Variants in RASA3 observed in about 807,000 individuals in gnomAD.
RASA3 encodes RAS p21 protein activator 3.
RASA3 carries 73 observed loss-of-function variants against 110.0 expected under a neutral mutation model. The observed-to-expected ratio is 0.66, with a 90% CI of 0.55 to 0.81. RASA3 has a LOEUF of 0.81. RASA3 is among the 30% of genes least tolerant of loss of function. The pLI, the probability that RASA3 is intolerant of heterozygous loss-of-function variation, is 0.00. For missense variants in RASA3, 976 were observed against 1,113.2 expected, an observed-to-expected ratio of 0.88 and a Z score of 1.75; for synonymous variants, 500 against 451.4, an observed-to-expected ratio of 1.11 and a Z score of -1.37.
At chr13:114,043,837 G>GCCCCCCCCCCCCCCCCCCCT (rs544129523) in intron 3 of RASA3, among the ~76,000 whole-genome samples, 1 of 22,822 alleles carries the variant, frequency 4.4e-5, no homozygotes, top group Non-Finnish European at 7.1e-5. Context: ...CACTCGCTGA[G>GCCCCCCCCCCCCCCCCCCCT]CCCCCCGCCC....
Position 114,102,231 on chromosome 13 carries a change from A to C in RASA3, c.56-28394T>G, listed in dbSNP as rs187715972. Among the ~76,000 whole-genome samples, 720 of 151,866 alleles carry C rather than the reference A, an allele frequency of 4.7e-3. 4 individuals are homozygous for C. The highest frequency in any genetic ancestry group is 0.017 in the African/African-American group (697 of 41,506). ...CACAGCGGGCGGGTGGTAGGCGGGCAGCAGGTGGGCGGTAGGCGGGCAGTG... is the reference window on the plus strand; with the variant it reads ...CACAGCGGGCGGGTGGTAGGCGGGCCGCAGGTGGGCGGTAGGCGGGCAGTG... On this transcript the variant is annotated intron_variant, in intron 1 of 23. Coordinates refer to ENST00000334062, the MANE Select transcript of RASA3 (RefSeq NM_007368.4).
At chr13:114,121,647 C>A (rs180824895) in intron 1 of RASA3, among the ~76,000 whole-genome samples, 31 of 152,362 alleles carry the variant, frequency 2.0e-4, no homozygotes, top group African/African-American at 7.0e-4. Context: ...CACAGCTCGA[C>A]CTTTGACCTT....
At position 114,118,876 on chromosome 13, in the gene RASA3, A is replaced by G. The variant is rs540098136; in HGVS notation, c.55+13559T>C. On this transcript the variant is annotated intron_variant, in intron 1 of 23. Transcript: ENST00000334062. ...GGTTCCAGTGCAGCTACCCAGAGGG[A>G]AGCCTTGGGTGTGGGCAGCGACAGG... Among the ~76,000 whole-genome samples, 5 of 152,370 alleles carry G rather than the reference A, an allele frequency of 3.3e-5. No individual in the cohort carries two copies. In the South Asian group the frequency reaches 1.0e-3, roughly 32 times the overall value.
intron 1 of RASA3, among the ~76,000 whole-genome samples, chr13:114,076,588 G>A (rs2079688419): frequency 1.3e-5 from 2 of 152,004 alleles, no homozygotes; most frequent in Non-Finnish European, 2.9e-5. Flanking sequence ...GCACACACAC[G>A]CGGCACACGC....
At chr13:114,069,846 CGGGGGCCGGG>C (rs1566548711) in intron 2 of RASA3, among the ~76,000 whole-genome samples, 30 of 492 alleles carry the variant, frequency 0.061, no homozygotes, top group Admixed American at 0.12. Flanking sequence ...CCAGGAGACT[CGGGGGCCGGG>C]AGACTTGGGG....
chr13:113,994,460 T>TTA (rs1408522792), intron 21 of RASA3, among the ~76,000 whole-genome samples: 1 of 152,066 alleles, frequency 6.6e-6, no homozygotes, highest in Non-Finnish European at 1.5e-5. Context: ...TGAAATGCAT[T>TTA]TATCATAAAA....
chr13:114,027,410 G>A lies in RASA3; in HGVS notation c.582C>T (p.Phe194=), dbSNP rs143090287. The change falls in exon 7 of 24, where the codon TTC becomes TTT. Residue 194 remains phenylalanine (F), a synonymous_variant. Transcript: ENST00000334062. The part of the protein sequence containing the change: ...KVKRKTNNPQ[F]DEVFYFEVTR... ...CAACCTCAAAATAAAACACTTCATCGAACTGGGGATTGTTGGTCTTCCTCT... is the reference window on the plus strand; with the variant it reads ...CAACCTCAAAATAAAACACTTCATCAAACTGGGGATTGTTGGTCTTCCTCT... 515 of 1,612,744 alleles carry A rather than the reference G, an allele frequency of 3.2e-4. 2 individuals are homozygous for A. Among genetic ancestry groups the A allele is most frequent in the Middle Eastern group, 1.5e-3 (9 of 6,054 alleles).
chr13:114,099,009 C>G (rs1278080358), intron 1 of RASA3, among the ~76,000 whole-genome samples: 44 of 84,352 alleles, frequency 5.2e-4, no homozygotes, highest in African/African-American at 1.9e-3. Flanking sequence ...CCGAGCCCCC[C>G]AGACCACAGC....
chr13:114,065,358 G>A lies in RASA3; in HGVS notation c.173+8362C>T, dbSNP rs987884860. 7.2e-5 allele frequency among the ~76,000 whole-genome samples: 11 copies of A among 152,180 alleles called. No homozygotes were observed. In the East Asian group the frequency reaches 1.7e-3, roughly 24 times the overall value. Reference sequence around the variant, plus strand: ...CATTTCCCAAACGCTGGGGGGAGCCGGGAGCTGCCAGGGCTGCCCCAGCCT... The same window carrying A: ...CATTTCCCAAACGCTGGGGGGAGCCAGGAGCTGCCAGGGCTGCCCCAGCCT... On this transcript the variant is annotated intron_variant, in intron 2 of 23. Transcript: ENST00000334062. The surrounding 1 kb of genome is among the most constrained non-coding windows in gnomAD (Gnocchi z 4.1).
At chr13:114,018,700 G>A (rs1432012400) in intron 10 of RASA3, 63 bp downstream of exon 10, 2 of 1,584,812 alleles carry the variant, frequency 1.3e-6, no homozygotes, top group African/African-American at 2.7e-5. Context: ...CCGGGTGTAG[G>A]GTGGGGCCCC....
At chr13:114,120,779 C>T (rs2080366129) in intron 1 of RASA3, among the ~76,000 whole-genome samples, 1 of 152,022 alleles carries the variant, frequency 6.6e-6, no homozygotes, top group Admixed American at 6.5e-5. Flanking sequence ...ACACTCTCTT[C>T]TCCTGACTTC....
intron 4 of RASA3, among the ~76,000 whole-genome samples, chr13:114,036,519 T>A (rs1158352066): frequency 6.6e-6 from 1 of 151,602 alleles, no homozygotes; most frequent in Non-Finnish European, 1.5e-5. Context: ...GAGACTGGAG[T>A]TGTGGGGTTT....
intron 1 of RASA3, among the ~76,000 whole-genome samples, chr13:114,110,443 G>A (rs906656831): frequency 6.6e-6 from 1 of 152,178 alleles, no homozygotes; most frequent in South Asian, 2.1e-4. Context: ...GATACAGTCC[G>A]GCTCACTGGA....
At chr13:114,076,027 C>T (rs2079675339) in intron 1 of RASA3, among the ~76,000 whole-genome samples, 1 of 152,156 alleles carries the variant, frequency 6.6e-6, no homozygotes, top group East Asian at 1.9e-4. Context: ...GTGGAGGCGC[C>T]GGCAGGCGTT....
chr13:114,009,445 T>C lies in RASA3; in HGVS notation c.1610A>G (p.Tyr537Cys). 2 of 1,611,664 alleles carry C rather than the reference T, an allele frequency of 1.2e-6. No homozygotes were observed. Among genetic ancestry groups the C allele is most frequent in the South Asian group, 1.1e-5 (1 of 91,050 alleles). The change falls in exon 17 of 24, where the codon TAC becomes TGC. Residue 537 changes from tyrosine to cysteine, a missense_variant. Physicochemically the swap from Tyr to Cys is radical, Grantham distance 194. This residue lies in a region of RASA3 where 732 missense variants were observed against 779.7 expected (regional missense o/e 0.94). Transcript: ENST00000334062. ...KSKSASFKES[Y>C]MATFYEFFNE... Reference sequence around the variant, plus strand: ...GAAGAATTCATAAAATGTAGCCATGTAGGACTCCTTAAAACTCGCCTAAAA... The same window carrying C: ...GAAGAATTCATAAAATGTAGCCATGCAGGACTCCTTAAAACTCGCCTAAAA...
intron 2 of RASA3, among the ~76,000 whole-genome samples, chr13:114,054,475 CCCAGAGTCCAGGTGGGAGGGGT>C (rs1418213046): frequency 3.9e-5 from 6 of 151,968 alleles, no homozygotes; most frequent in Admixed American, 6.6e-5. Flanking sequence ...GTGGGAGGGG[CCCAGAGTCCAGGTGGGAGGGGT>C]CCAGAGTCCA....
intron 7 of RASA3, among the ~76,000 whole-genome samples, chr13:114,026,213 C>G (rs1194741971): frequency 6.6e-6 from 1 of 152,228 alleles, no homozygotes; most frequent in East Asian, 1.9e-4. Context: ...TGGGCGAGCT[C>G]TACCCCACTG....
rs948299024 is a variant in RASA3 at position 114,014,400 on chromosome 13, T to C, written c.1405+809A>G. Among the ~76,000 whole-genome samples the C allele has an allele frequency of 9.9e-5, 15 of 151,978 alleles. No homozygotes were observed. The highest frequency in any genetic ancestry group is 2.7e-4 in the African/African-American group (11 of 41,354). On this transcript the variant is annotated intron_variant, in intron 14 of 23. Transcript: ENST00000334062. This position sits in a 1 kb window ranked among gnomAD's most constrained non-coding sequence, Gnocchi z 4.5. ...TGTCTGATGTCCTGAGAATCAGGGGTGGGGACAGCGTTTGTCTCCTGGGGA... is the reference window on the plus strand; with the variant it reads ...TGTCTGATGTCCTGAGAATCAGGGGCGGGGACAGCGTTTGTCTCCTGGGGA...
chr13:114,053,358 G>C (rs1365465924), intron 2 of RASA3, among the ~76,000 whole-genome samples: 3 of 152,240 alleles, frequency 2.0e-5, no homozygotes, highest in African/African-American at 7.2e-5. Flanking sequence ...TGTTGTCCTG[G>C]GCTGGCACAG....
Sources: gnomAD v4.1 joint callset for allele counts (sites outside exome capture counted in the v4.1 genomes callset) on GRCh38, gnomAD v4.1.1 for gene constraint, gnomAD v4.1.1 regional missense constraint, Gnocchi (gnomAD v3.1) non-coding constraint, MANE v1.5 for transcripts, NCBI Gene and HGNC (gene_info 2026-07-23, HGNC 2026-07-21) for gene names.